DOK6: variants seen among roughly 807,000 people sequenced by gnomAD.
DOK6 encodes the protein docking protein 6, also known as downstream of tyrosine kinase 6.
DOK6 carries 22 observed loss-of-function variants against 44.0 expected under a neutral mutation model. That is an observed-to-expected ratio of 0.50 (90% CI 0.36 to 0.71). DOK6 has a LOEUF of 0.71. Ranked by LOEUF, DOK6 falls within the 30% of genes least tolerant of loss-of-function variation. The pLI is 0.00. For synonymous variants in DOK6, 166 were observed against 145.5 expected, an observed-to-expected ratio of 1.14 and a Z score of -1.01; for missense variants, 340 against 416.4, an observed-to-expected ratio of 0.82 and a Z score of 1.60.
At chr18:69,520,163 A>G (rs1236913432) in intron 1 of DOK6, among the ~76,000 whole-genome samples, 2 of 151,822 alleles carry the variant, frequency 1.3e-5, no homozygotes, top group African/African-American at 4.8e-5. Context: ...TATGCACTTA[A>G]TAGTTACTTG....
chr18:69,723,677 C>T (rs1012867889), intron 5 of DOK6, among the ~76,000 whole-genome samples: 1 of 152,198 alleles, frequency 6.6e-6, no homozygotes, highest in African/African-American at 2.4e-5. Context: ...CCTGTGAAAC[C>T]ATTGCTCATA....
chr18:69,774,133 G>GATAGATAGATATATATATATATATATAT (rs1555670145), intron 7 of DOK6, among the ~76,000 whole-genome samples: 1 of 66,866 alleles, frequency 1.5e-5, no homozygotes, highest in Non-Finnish European at 3.3e-5. Context: ...ATATATATGA[G>GATAGATAGATATATATATATATATATAT]ATATATATAT....
At chr18:69,700,630 T>C (rs1432104821) in intron 5 of DOK6, among the ~76,000 whole-genome samples, 1 of 152,202 alleles carries the variant, frequency 6.6e-6, no homozygotes, top group Non-Finnish European at 1.5e-5. Context: ...CTTCTCTGAA[T>C]TTTGGGTGTC....
chr18:69,838,276 G>A lies in DOK6; in HGVS notation c.857-2968G>A, dbSNP rs558383144. 2.7e-5 allele frequency among the ~76,000 whole-genome samples: 4 copies of A among 150,586 alleles called. No individual in the cohort carries two copies. The South Asian group carries it at 6.3e-4, about 24-fold the overall frequency. On this transcript the variant is annotated intron_variant, in intron 7 of 7. Coordinates refer to ENST00000382713, the MANE Select transcript of DOK6 (RefSeq NM_152721.6). The stretch of plus-strand genomic sequence containing the variant: ...AAACAGGATAAAACCAAGGCCAGGA[G>A]CATTATCTTAATATTATACTTTCCA...
intron 1 of DOK6, among the ~76,000 whole-genome samples, chr18:69,564,141 A>G (rs1261728333): frequency 6.6e-6 from 1 of 152,124 alleles, no homozygotes; most frequent in Non-Finnish European, 1.5e-5. Context: ...GCTTCACTTA[A>G]CTTTGTTAAC....
chr18:69,723,179 T>C (rs543031167), intron 5 of DOK6, among the ~76,000 whole-genome samples: 5 of 152,322 alleles, frequency 3.3e-5, no homozygotes, highest in Non-Finnish European at 7.4e-5. Context: ...CTGCACTAAA[T>C]GTAATGAAAC....
chr18:69,446,917 T>A (rs1979311731), intron 1 of DOK6, among the ~76,000 whole-genome samples: 2 of 152,264 alleles, frequency 1.3e-5, no homozygotes, highest in Non-Finnish European at 2.9e-5. Flanking sequence ...TGATTTTTTC[T>A]TGTAAATTTG....
chr18:69,493,746 A>C (rs2144541909), intron 1 of DOK6, among the ~76,000 whole-genome samples: 1 of 152,352 alleles, frequency 6.6e-6, no homozygotes, highest in African/African-American at 2.4e-5. Context: ...GAAAATTACA[A>C]GCAACAAATA....
chr18:69,572,170 C>G lies in DOK6; in HGVS notation c.174+7576C>G, dbSNP rs146196555. On this transcript the variant is annotated intron_variant, in intron 2 of 7. Coordinates refer to ENST00000382713, the MANE Select transcript of DOK6 (RefSeq NM_152721.6). Reference sequence around the variant, plus strand: ...GCAAATATTCTAAACTGAAAGATAGCAAAAATAGATTGCAATAAGCCTTAT... The same window carrying G: ...GCAAATATTCTAAACTGAAAGATAGGAAAAATAGATTGCAATAAGCCTTAT... 3.1e-3 allele frequency among the ~76,000 whole-genome samples: 478 copies of G among 152,012 alleles called. 4 individuals carry two copies. The highest frequency in any genetic ancestry group is 0.011 in the African/African-American group (454 of 41,496).
chr18:69,576,716 G>T (rs866209809), intron 2 of DOK6, among the ~76,000 whole-genome samples: 23 of 152,154 alleles, frequency 1.5e-4, no homozygotes, highest in African/African-American at 4.6e-4. Context: ...GCTGAGGGAA[G>T]TTATTAAAAA....
At chr18:69,530,260 T>G (rs1480341259) in intron 1 of DOK6, among the ~76,000 whole-genome samples, 1 of 152,170 alleles carries the variant, frequency 6.6e-6, no homozygotes, top group Non-Finnish European at 1.5e-5. Context: ...TTTTTATTAT[T>G]AACTAAAGGT....
At chr18:69,498,831 G>C (rs1377461767) in intron 1 of DOK6, among the ~76,000 whole-genome samples, 2 of 152,182 alleles carry the variant, frequency 1.3e-5, no homozygotes. Context: ...GCACATAGTA[G>C]CTGTTGAATA....
intron 2 of DOK6, among the ~76,000 whole-genome samples, chr18:69,584,477 T>C (rs1334904133): frequency 6.6e-6 from 1 of 152,038 alleles, no homozygotes; most frequent in Non-Finnish European, 1.5e-5. Flanking sequence ...TTTTCAATAG[T>C]GACGGGTTTT....
chr18:69,602,272 C>T (rs1040576896), intron 3 of DOK6, among the ~76,000 whole-genome samples: 5 of 152,184 alleles, frequency 3.3e-5, no homozygotes, highest in African/African-American at 1.2e-4. Context: ...ATAGACTCTA[C>T]CCTTGATATG....
chr18:69,507,019 T>C (rs1049020282), intron 1 of DOK6, among the ~76,000 whole-genome samples: 1 of 152,048 alleles, frequency 6.6e-6, no homozygotes, highest in Non-Finnish European at 1.5e-5. Flanking sequence ...TTATAGGTTT[T>C]TGTGTTTTTT....
intron 1 of DOK6, among the ~76,000 whole-genome samples, chr18:69,537,339 T>A (rs1188577137): frequency 1.3e-5 from 2 of 152,152 alleles, no homozygotes; most frequent in African/African-American, 4.8e-5. Context: ...GCGGGCTATG[T>A]CAGGTGCTTC....
chr18:69,496,962 A>C (rs1423669174), intron 1 of DOK6, among the ~76,000 whole-genome samples: 1 of 152,240 alleles, frequency 6.6e-6, no homozygotes, highest in Non-Finnish European at 1.5e-5. Flanking sequence ...AGGCAAAAAC[A>C]TGAGTTAACA....
At chr18:69,782,987 C>T (rs1980322554) in intron 7 of DOK6, among the ~76,000 whole-genome samples, 1 of 152,176 alleles carries the variant, frequency 6.6e-6, no homozygotes, top group Non-Finnish European at 1.5e-5. Context: ...GACAGCAACT[C>T]AATTCCAGGT....
In DOK6 at chr18:69,673,230, G is replaced by GTA. The variant is rs71176998; in HGVS notation, c.290-4490_290-4489dup. ...TGGGCTGATAGCATATTTTCTGTGT[G>GTA]TATATATATATATATGATGAAAACT... On this transcript the variant is annotated intron_variant, in intron 3 of 7. Transcript: ENST00000382713. Among the ~76,000 whole-genome samples, 512 of 150,214 alleles carry GTA rather than the reference G, an allele frequency of 3.4e-3. 5 individuals are homozygous for GTA. Among genetic ancestry groups the GTA allele is most frequent in the African/African-American group, 0.01 (420 of 41,094 alleles).
Sources: allele counts gnomAD v4.1 joint callset (sites outside exome capture counted in the v4.1 genomes callset), GRCh38; gene constraint gnomAD v4.1.1; transcripts MANE v1.5; gene names NCBI Gene and HGNC (gene_info 2026-07-23, HGNC 2026-07-21).